The following SGIP1 variants were observed in gnomAD, a reference collection of about 807,000 sequenced individuals.
SGIP1 encodes the protein SH3GL interacting endocytic adaptor 1.
A neutral mutation model predicts 107.5 loss-of-function variants in SGIP1; 38 were observed. That is an observed-to-expected ratio of 0.35 (90% confidence interval 0.27 to 0.46). The LOEUF is 0.46. Among genes scored for constraint, SGIP1 ranks in the 20% least tolerant of loss-of-function variants. SGIP1 has a pLI of 1.00. For missense variants in SGIP1, 929 were observed against 1,019.5 expected (o/e 0.91, Z 1.21); for synonymous variants, 365 against 366.1 (o/e 1.00, Z 0.03).
intron 4 of SGIP1, among the ~76,000 whole-genome samples, chr1:66,637,191 C>T (rs1350429593): frequency 6.6e-6 from 1 of 152,062 alleles, no homozygotes; most frequent in East Asian, 1.9e-4. Context: ...GATATTCTTC[C>T]TTGCTTCTTC....
intron 21 of SGIP1, among the ~76,000 whole-genome samples, chr1:66,736,398 A>ATATAT (rs56681658): frequency 0.96 from 59,732 of 62,204 alleles, 28,671 homozygotes; most frequent in Middle Eastern, 1. Flanking sequence ...ATATATGTGA[A>ATATAT]TATATTATAT....
chr1:66,667,504 T>G (rs1321433059), intron 8 of SGIP1, 26 bp from the exon 9 acceptor site: 1 of 1,611,768 alleles, frequency 6.2e-7, no homozygotes, highest in African/African-American at 1.3e-5. Context: ...AGGTGTCTGT[T>G]CTCTCTTCCT....
intron 15 of SGIP1, 107 bp from the exon 16 acceptor site, chr1:66,689,041 C>A: frequency 1.5e-6 from 2 of 1,304,356 alleles, no homozygotes; most frequent in Non-Finnish European, 2.0e-6. Context: ...GTAGTAACTG[C>A]CAAGGCAAAA....
intron 5 of SGIP1, among the ~76,000 whole-genome samples, chr1:66,640,597 A>G (rs970751720): frequency 2.0e-5 from 3 of 152,170 alleles, no homozygotes; most frequent in Admixed American, 1.3e-4. Flanking sequence ...TGGGAAGGAG[A>G]GAACATGTGG....
intron 1 of SGIP1, among the ~76,000 whole-genome samples, chr1:66,558,598 T>A (rs1290937195): frequency 6.6e-6 from 1 of 152,058 alleles, no homozygotes; most frequent in African/African-American, 2.4e-5. Flanking sequence ...TGCCAGACAC[T>A]GTTCTGGCTA....
intron 18 of SGIP1, among the ~76,000 whole-genome samples, chr1:66,708,094 G>A (rs1432505737): frequency 6.6e-6 from 1 of 152,088 alleles, no homozygotes; most frequent in African/African-American, 2.4e-5. Flanking sequence ...ACACAGGGTA[G>A]GGTTTAAGAA....
At chr1:66,619,085 A>G (rs1340840089) in intron 1 of SGIP1, among the ~76,000 whole-genome samples, 1 of 152,140 alleles carries the variant, frequency 6.6e-6, no homozygotes, top group Non-Finnish European at 1.5e-5. Flanking sequence ...GGTCATTGCC[A>G]ACTTACCTCC....
chr1:66,663,009 G>T (rs965855172), intron 8 of SGIP1, among the ~76,000 whole-genome samples: 9 of 152,126 alleles, frequency 5.9e-5, no homozygotes, highest in Admixed American at 6.5e-5. Flanking sequence ...TAGGTGTTTT[G>T]TTTGGTTGTG....
At chr1:66,604,430 G>A (rs1461876981) in intron 1 of SGIP1, among the ~76,000 whole-genome samples, 3 of 151,988 alleles carry the variant, frequency 2.0e-5, no homozygotes, top group Non-Finnish European at 2.9e-5. Flanking sequence ...GTCAAATAAC[G>A]TGAAAATACC....
chr1:66,545,628 TTGTGTGTGTGTGTGTGTGTGTG>T (rs769603266), intron 1 of SGIP1, among the ~76,000 whole-genome samples: 1 of 138,940 alleles, frequency 7.2e-6, no homozygotes, highest in African/African-American at 2.7e-5. Flanking sequence ...ACTGAACAAA[TTGTGTGTGTGTGTGTGTGTGTG>T]TGTGTGTGTG....
chr1:66,584,512 A>G (rs1423230194), intron 1 of SGIP1, among the ~76,000 whole-genome samples: 2 of 152,144 alleles, frequency 1.3e-5, no homozygotes, highest in Non-Finnish European at 2.9e-5. Flanking sequence ...ACCAAATGCA[A>G]ACAAGGACAT....
At position 66,750,033 on chromosome 1, in the gene SGIP1, G is replaced by GTGT. The variant is rs372828398; in HGVS notation, c.*6938_*6939insTGT. On this transcript the variant is annotated 3_prime_UTR_variant, in exon 25 of 25. Coordinates refer to ENST00000371037, the MANE Select transcript of SGIP1 (RefSeq NM_032291.4). ...TCTCTCTCTTTCTCTGTGTGTGTGT[G>GTGT]GGGGTGTGTGTGTGTGTGTGTGTGT... is the stretch of plus-strand genomic sequence containing the variant. 9.0e-3 allele frequency among the ~76,000 whole-genome samples: 732 copies of GTGT among 81,524 alleles called. 12 individuals are homozygous for GTGT. The highest frequency in any genetic ancestry group is 7.1e-3 in the Non-Finnish European group (249 of 35,196). The allele number at this position is 81,524 out of a possible 152,430, so 53.5% of individuals were successfully genotyped here.
chr1:66,581,562 G>A lies in SGIP1; in HGVS notation c.11-44285G>A, dbSNP rs192219300. Among the ~76,000 whole-genome samples the A allele has an allele frequency of 5.1e-3, 769 of 151,934 alleles. 2 individuals are homozygous for A. Among genetic ancestry groups the A allele is most frequent in the Admixed American group, 9.5e-3 (145 of 15,260 alleles). ...CAATCTTGACTCAAAGAATAAATAA[G>A]AATTATTTATGATTAAATCCATCTC... On this transcript the variant is annotated intron_variant, in intron 1 of 24. Transcript: ENST00000371037.
intron 1 of SGIP1, among the ~76,000 whole-genome samples, chr1:66,599,948 C>T (rs779768708): frequency 6.6e-6 from 1 of 152,140 alleles, no homozygotes; most frequent in Non-Finnish European, 1.5e-5. Context: ...CAGAAATGAT[C>T]CCTGATACCA....
At chr1:66,717,419 A>G (rs149052685) in intron 18 of SGIP1, among the ~76,000 whole-genome samples, 108 of 152,264 alleles carry the variant, frequency 7.1e-4, no homozygotes, top group African/African-American at 2.5e-3. Flanking sequence ...AGACCCAACC[A>G]TGGATAATTC....
In SGIP1 at chr1:66,649,259, A is replaced by G. The variant is rs933408215; in HGVS notation, c.459+5540A>G. Among the ~76,000 whole-genome samples the G allele has an allele frequency of 4.6e-5, 7 of 152,174 alleles. No homozygotes were observed. In the South Asian group the frequency reaches 1.5e-3, roughly 32 times the overall value. ...AACTACTTTTAAGTTAGTTTTCTCC[A>G]TCTTGGACAATTATGGTTGATTTCT... On this transcript the variant is annotated intron_variant, in intron 7 of 24. Transcript: ENST00000371037.
chr1:66,613,530 ATGTT>A (rs2068504625), intron 1 of SGIP1, among the ~76,000 whole-genome samples: 1 of 152,114 alleles, frequency 6.6e-6, no homozygotes, highest in Admixed American at 6.5e-5. Flanking sequence ...GGGTTTTGCC[ATGTT>A]GGCCAGGCTG....
rs753146209 is a variant in SGIP1 at position 66,643,563 on chromosome 1, T to G, written c.303T>G (p.Phe101Leu). Residue 101 changes from phenylalanine to leucine, a missense_variant, in exon 7 of 25, where the codon TTT becomes TTG. Physicochemically the swap from Phe to Leu is conservative, Grantham distance 22. Around this residue, in one of 2 missense-constraint regions of SGIP1, gnomAD observed 588 missense variants for 588.6 expected, o/e 1.00. Transcript: ENST00000371037. ...TTCTACCTACCAAAGGAAAGCACTTTTATTCTTCAAGTGAATCGGAAGAAG... is the reference window on the plus strand; with the variant it reads ...TTCTACCTACCAAAGGAAAGCACTTGTATTCTTCAAGTGAATCGGAAGAAG... ...EEPGSTKGKH[F>L]YSSSESEEEE... is the part of the protein sequence containing the mutation. 2 of 1,608,924 alleles carry G rather than the reference T, an allele frequency of 1.2e-6. No individual in the cohort carries two copies. The highest frequency in any genetic ancestry group is 3.4e-5 in the Admixed American group (2 of 59,072).
chr1:66,606,378 C>T (rs2066846852), intron 1 of SGIP1, among the ~76,000 whole-genome samples: 1 of 152,200 alleles, frequency 6.6e-6, no homozygotes, highest in South Asian at 2.1e-4. Flanking sequence ...AATGACCAAG[C>T]TCTTTATTTC....
Sources: gnomAD v4.1 joint callset for allele counts (sites outside exome capture counted in the v4.1 genomes callset) on GRCh38, gnomAD v4.1.1 for gene constraint, gnomAD v4.1.1 regional missense constraint, MANE v1.5 for transcripts, NCBI Gene and HGNC (gene_info 2026-07-23, HGNC 2026-07-21) for gene names.